Variants in ZNF324 observed in about 807,000 individuals in gnomAD.
ZNF324 encodes the protein zinc finger protein 324.
Under a neutral mutation model 10.3 loss-of-function variants are expected in ZNF324, and 3 were observed. That is an observed-to-expected ratio of 0.29 (90% confidence interval 0.13 to 0.75). The LOEUF (loss-of-function observed/expected upper bound fraction) is 0.75. Among genes scored for constraint, ZNF324 ranks in the 30% least tolerant of loss-of-function variants. ZNF324 has a pLI of 0.69. For synonymous variants in ZNF324, 430 were observed against 339.5 expected, an observed-to-expected ratio of 1.27 and a Z score of -2.93; for missense variants, 763 against 784.4, an observed-to-expected ratio of 0.97 and a Z score of 0.33.
chr19:58,471,166 G>C lies in ZNF324; in HGVS notation c.674G>C (p.Gly225Ala). 6.2e-7 allele frequency: 1 copy of C among 1,613,792 alleles called. No homozygotes were observed. The highest frequency in any genetic ancestry group is 8.5e-7 in the Non-Finnish European group (1 of 1,180,024). Residue 225 changes from glycine to alanine, a missense_variant, in exon 4 of 4, where the codon GGT becomes GCT. By Grantham distance (60) the Gly-to-Ala change is moderately conservative (BLOSUM62 0). Transcript: ENST00000196482. ...GGCGGTCGGGGACATCACCGAATGG[G>C]TGCAGTTTGGCAGGAGCCTCATAGA... ...AAGGRGHHRM[G>A]AVWQEPHRLL...
chr19:58,471,020 A>G lies in ZNF324; in HGVS notation c.528A>G (p.Glu176=). Residue 176 remains glutamate, a synonymous_variant, in exon 4 of 4, where the codon GAA becomes GAG. Transcript: ENST00000196482. ...CTCCCGAGGGCGTCCGGCTTAGAGA[A>G]AAGACACTCACAGAGCATGCGTTGC... ...LRPPEGVRLR[E]KTLTEHALLG... The G allele has an allele frequency of 1.2e-6, 2 of 1,614,106 alleles. No individual in the cohort carries two copies. Among genetic ancestry groups the G allele is most frequent in the Non-Finnish European group, 1.7e-6 (2 of 1,180,040 alleles).
At position 58,472,373 on chromosome 19, in the gene ZNF324, G is replaced by T; in HGVS notation, c.*219G>T. On this transcript the variant is annotated 3_prime_UTR_variant, in exon 4 of 4. Transcript: ENST00000196482. ...AAGAGGTAGCACTGCAGCAACATCA[G>T]GGGGAGGACGTGGTGGCTGAACTCT... The T allele has an allele frequency of 1.7e-6, 1 of 572,444 alleles. No individual in the cohort carries two copies. The highest frequency in any genetic ancestry group is 2.5e-5 in the South Asian group (1 of 39,354). 35.5% of individuals were successfully genotyped at this position (572,444 alleles called of 1,614,324 possible).
At position 58,471,138 on chromosome 19, in the gene ZNF324, G is replaced by C; in HGVS notation, c.646G>C (p.Ala216Pro). ...TGGGAGCGCCCAGGACCTGGAGGCT[G>C]CCGGCGGTCGGGGACATCACCGAAT... ...TFGSAQDLEA[A>P]GGRGHHRMGA... The change falls in exon 4 of 4, where the codon GCC (alanine) becomes CCC (proline). Residue 216 changes from alanine (A) to proline (P), a missense_variant. Around this residue, in one of 3 missense-constraint regions of ZNF324, gnomAD observed 379 missense variants for 319.4 expected, o/e 1.19. Coordinates refer to ENST00000196482, the MANE Select transcript of ZNF324 (RefSeq NM_014347.3). 6.2e-7 allele frequency: 1 copy of C among 1,613,820 alleles called. No individual in the cohort carries two copies. Among genetic ancestry groups the C allele is most frequent in the Non-Finnish European group, 8.5e-7 (1 of 1,180,036 alleles).
rs1355748301 is a variant in ZNF324 at position 58,470,763 on chromosome 19, T to C, written c.271T>C (p.Ser91Pro). 6.2e-7 allele frequency: 1 copy of C among 1,614,078 alleles called. No individual in the cohort carries two copies. Among genetic ancestry groups the C allele is most frequent in the Non-Finnish European group, 8.5e-7 (1 of 1,180,048 alleles). ...SWSLTEDRDV[S>P]GEWPRAFPDT... ...GAGTTTGACAGAGGATAGAGATGTT[T>C]CTGGAGAATGGCCACGAGCTTTCCC... The change falls in exon 4 of 4, where the codon TCT (serine) becomes CCT (proline). Residue 91 changes from serine (S) to proline (P), a missense_variant. This residue lies in a region of ZNF324 where 379 missense variants were observed against 319.4 expected (regional missense o/e 1.19). Transcript: ENST00000196482.
rs1239582369 is a variant in ZNF324 at position 58,469,236 on chromosome 19, C to T, written c.51C>T (p.Leu17=). 1 of 1,614,174 alleles carries T rather than the reference C, an allele frequency of 6.2e-7. No homozygotes were observed. Among genetic ancestry groups the T allele is most frequent in the East Asian group, 2.2e-5 (1 of 44,866 alleles). The change falls in exon 2 of 4, where the codon CTC becomes CTT. Residue 17 remains leucine (L), a synonymous_variant. Transcript: ENST00000196482. The part of the protein sequence containing the change: ...AVYFSQEEWG[L]LDTAQRALYR... ...ACTTCTCCCAGGAGGAGTGGGGGCT[C>T]CTGGACACAGCCCAGAGGGCCCTGT...
At position 58,475,410 on chromosome 19, in the gene ZNF324, A is replaced by AAAT. The variant is rs1467629254; in HGVS notation, c.*3259_*3261dup. 1 of 152,224 alleles carries AAAT rather than the reference A, an allele frequency of 6.6e-6. No homozygotes were observed. Among genetic ancestry groups the AAAT allele is most frequent in the Non-Finnish European group, 1.5e-5 (1 of 68,034 alleles). The allele number at this position is 152,224 out of a possible 1,614,324, so 9.4% of individuals were successfully genotyped here. ...AGTTCTGCTCCCCAAATTCAAAGGT[A>AAAT]AATAAACGGTTGAGCATGTCCGATC... is the stretch of plus-strand genomic sequence containing the variant. On this transcript the variant is annotated 3_prime_UTR_variant, in exon 4 of 4. Transcript: ENST00000196482.
intron 3 of ZNF324, 43 bp downstream of exon 3, chr19:58,469,887 T>C (rs371418557): frequency 6.7e-7 from 1 of 1,490,594 alleles, no homozygotes; most frequent in Non-Finnish European, 9.2e-7. Flanking sequence ...GACCAACCTG[T>C]GGTCATGCCT....
intron 2 of ZNF324, 137 bp downstream of exon 2, chr19:58,469,443 C>T: frequency 1.1e-5 from 14 of 1,227,896 alleles, no homozygotes; most frequent in Non-Finnish European, 1.5e-5. Flanking sequence ...GGGTCTGGTC[C>T]TATAGACATG....
chr19:58,467,588 GTCGTCT>G (rs1349381049), intron 1 of ZNF324: 1 of 152,580 alleles, frequency 6.6e-6, no homozygotes, highest in African/African-American at 2.4e-5. Flanking sequence ...ACCTCGCCTA[GTCGTCT>G]TTCCTCTCCC....
At position 58,471,245 on chromosome 19, in the gene ZNF324, C is replaced by G. The variant is rs749065811; in HGVS notation, c.753C>G (p.His251Gln). 5 of 1,613,560 alleles carry G rather than the reference C, an allele frequency of 3.1e-6. No individual in the cohort carries two copies. The highest frequency in any genetic ancestry group is 2.7e-5 in the African/African-American group (2 of 75,040). Residue 251 changes from histidine (H) to glutamine (Q), a missense_variant, in exon 4 of 4, where the codon CAC becomes CAG. Physicochemically the swap from His to Gln is conservative, Grantham distance 24. Coordinates refer to ENST00000196482, the MANE Select transcript of ZNF324 (RefSeq NM_014347.3). ...GGGACGAGCTGGGCGAGGCTCTTCA[C>G]GCTGGGGAGAAGTCCTTCGAATGCA... is the stretch of plus-strand genomic sequence containing the variant. ...STWDELGEAL[H>Q]AGEKSFECRA... is the part of the protein sequence containing the mutation.
At position 58,472,105 on chromosome 19, in the gene ZNF324, C is replaced by T. The variant is rs1213020847; in HGVS notation, c.1613C>T (p.Pro538Leu). The change falls in exon 4 of 4, where the codon CCC becomes CTC. Residue 538 changes from proline (P) to leucine (L), a missense_variant. Transcript: ENST00000196482. The part of the protein sequence containing the change: ...SEGAPAKETE[P>L]TPASGPAAVS... ...GGTGCGCCAGCGAAGGAAACCGAGC[C>T]CACTCCCGCCTCGGGCCCAGCCGCC... 6.3e-7 allele frequency: 1 copy of T among 1,594,386 alleles called. No individual in the cohort carries two copies. The highest frequency in any genetic ancestry group is 2.2e-5 in the East Asian group (1 of 44,542).
rs766523538 is a variant in ZNF324 at position 58,470,943 on chromosome 19, T to G, written c.451T>G (p.Ser151Ala). Residue 151 changes from serine to alanine, a missense_variant, in exon 4 of 4, where the codon TCA becomes GCA. Ser to Ala is a moderately conservative substitution (Grantham distance 99). This residue lies in a region of ZNF324 where 379 missense variants were observed against 319.4 expected (regional missense o/e 1.19). Coordinates refer to ENST00000196482, the MANE Select transcript of ZNF324 (RefSeq NM_014347.3). ...VIYWERLLLG[S>A]GSGQASVSLR... ...CTACTGGGAGAGGCTCCTGCTAGGC[T>G]CAGGCAGTGGGCAAGCCAGCGTCAG... The G allele has an allele frequency of 5.6e-6, 9 of 1,614,116 alleles. No homozygotes were observed. In the South Asian group the frequency reaches 7.7e-5, roughly 14 times the overall value.
At chr19:58,469,519 A>C (rs541751413) in intron 2 of ZNF324, among the ~76,000 whole-genome samples, 34 of 152,390 alleles carry the variant, frequency 2.2e-4, no homozygotes, top group African/African-American at 7.5e-4. Flanking sequence ...GCCTTGGCTC[A>C]GTCCCCTTCC....
intron 3 of ZNF324, 128 bp from the exon 4 acceptor site, chr19:58,470,603 G>T: frequency 8.4e-7 from 1 of 1,189,412 alleles, no homozygotes; most frequent in Non-Finnish European, 1.2e-6. Context: ...TGCAGGGCCA[G>T]CCTCACCTCT....
At chr19:58,469,920 C>T in intron 3 of ZNF324, 76 bp downstream of exon 3, 4 of 1,142,292 alleles carry the variant, frequency 3.5e-6, no homozygotes, top group Non-Finnish European at 5.1e-6. Flanking sequence ...CCCAGACTCC[C>T]CAGAAGCACC....
In ZNF324 at chr19:58,469,316, T is replaced by C; in HGVS notation, c.121+10T>C. The C allele has an allele frequency of 1.2e-6, 2 of 1,612,150 alleles. No homozygotes were observed. Among genetic ancestry groups the C allele is most frequent in the Non-Finnish European group, 1.7e-6 (2 of 1,179,080 alleles). ...CTTGTGGCCTCGCTGGGTAAGGTCCTAGATACTCCATGAAATGGGCAACTG... is the reference window on the plus strand; with the variant it reads ...CTTGTGGCCTCGCTGGGTAAGGTCCCAGATACTCCATGAAATGGGCAACTG... On this transcript the variant is annotated intron_variant, in intron 2 of 3. Transcript: ENST00000196482.
chr19:58,469,452 T>C (rs2053008849), intron 2 of ZNF324, 146 bp downstream of exon 2: 1 of 1,179,222 alleles, frequency 8.5e-7, no homozygotes, highest in Admixed American at 2.7e-5. Flanking sequence ...CCTATAGACA[T>C]GCAGTCTGGT....
rs746245696 is a variant in ZNF324 at position 58,471,040 on chromosome 19, C to T, written c.548C>T (p.Ala183Val). 39 of 1,613,904 alleles carry T rather than the reference C, an allele frequency of 2.4e-5. No individual in the cohort carries two copies. The highest frequency in any genetic ancestry group is 4.5e-5 in the East Asian group (2 of 44,890). ...RLREKTLTEHALLGRQPRTPE... is the reference protein window; with the variant it reads ...RLREKTLTEHVLLGRQPRTPE... ...AGAGAAAAGACACTCACAGAGCATG[C>T]GTTGCTGGGGAGGCAGCCCAGGACG... The change falls in exon 4 of 4, where the codon GCG becomes GTG. Residue 183 changes from alanine to valine, a missense_variant. Transcript: ENST00000196482.
rs375858595 is a variant in ZNF324 at position 58,469,312 on chromosome 19, G to T, written c.121+6G>T. The T allele has an allele frequency of 6.2e-7, 1 of 1,612,882 alleles. No individual in the cohort carries two copies. Among genetic ancestry groups the T allele is most frequent in the Non-Finnish European group, 8.5e-7 (1 of 1,179,390 alleles). ...CGCACTTGTGGCCTCGCTGGGTAAG[G>T]TCCTAGATACTCCATGAAATGGGCA... On this transcript the variant is annotated splice_donor_region_variant and intron_variant, in intron 2 of 3. Coordinates refer to ENST00000196482, the MANE Select transcript of ZNF324 (RefSeq NM_014347.3).
Sources: allele counts gnomAD v4.1 joint callset (sites outside exome capture counted in the v4.1 genomes callset), GRCh38; gene constraint gnomAD v4.1.1; regional missense constraint gnomAD v4.1.1; transcripts MANE v1.5; gene names NCBI Gene and HGNC (gene_info 2026-07-23, HGNC 2026-07-21).